AGBL1: variants seen among roughly 807,000 people sequenced by gnomAD.
AGBL1 encodes the protein AGBL carboxypeptidase 1, also known as cytosolic carboxypeptidase 4.
A neutral mutation model predicts 118.9 loss-of-function variants in AGBL1; 130 were observed. That is an observed-to-expected ratio of 1.09 (90% CI 0.95 to 1.26). The LOEUF is 1.26. AGBL1 is among the 50% of genes most tolerant of loss of function. AGBL1 has a pLI of 0.00. For missense variants in AGBL1, 1,584 were observed against 1,298.1 expected (o/e 1.22, Z -3.38); for synonymous variants, 555 against 478.9 (o/e 1.16, Z -2.08).
chr15:86,946,476 C>T (rs928117261), intron 23 of AGBL1: 21 of 152,086 alleles, frequency 1.4e-4, no homozygotes, highest in African/African-American at 5.1e-4. Flanking sequence ...ACACATGAGT[C>T]CATAAACCTT....
chr15:86,436,781 G>A (rs1349306308), intron 18 of AGBL1, among the ~76,000 whole-genome samples: 1 of 152,230 alleles, frequency 6.6e-6, no homozygotes, highest in Non-Finnish European at 1.5e-5. Context: ...TAATGGATTA[G>A]CTGAGGAAAG....
At chr15:86,434,003 C>T (rs1259615278) in intron 18 of AGBL1, among the ~76,000 whole-genome samples, 5 of 152,184 alleles carry the variant, frequency 3.3e-5, no homozygotes, top group Admixed American at 2.6e-4. Flanking sequence ...GTAATTGATC[C>T]AGAAATTCTA....
intron 17 of AGBL1, among the ~76,000 whole-genome samples, chr15:86,346,217 G>T (rs2080534095): frequency 6.6e-6 from 1 of 152,104 alleles, no homozygotes; most frequent in Admixed American, 6.5e-5. Flanking sequence ...TCCTGACCTT[G>T]TGATCTGCCC....
At chr15:86,316,845 C>T (rs2080020208) in intron 17 of AGBL1, 1 of 152,324 alleles carries the variant, frequency 6.6e-6, no homozygotes, top group African/African-American at 2.4e-5. Flanking sequence ...CAGTTGAGCA[C>T]TCGGTCTTGA....
In AGBL1 at chr15:86,746,311, T is replaced by C. The variant is rs190720734; in HGVS notation, c.3158+71875T>C. On this transcript the variant is annotated intron_variant, in intron 22 of 22. Coordinates refer to ENST00000614907, the MANE Select transcript of AGBL1 (RefSeq NM_001386094.1). ...TGAAAAGGTTTTATTTCTTCAAACATGACATATGTCTCTTGCCTCTGAGCC... is the reference window on the plus strand; with the variant it reads ...TGAAAAGGTTTTATTTCTTCAAACACGACATATGTCTCTTGCCTCTGAGCC... Among the ~76,000 whole-genome samples, 9 of 152,282 alleles carry C rather than the reference T, an allele frequency of 5.9e-5. No individual in the cohort carries two copies. The South Asian group carries it at 1.9e-3, about 32-fold the overall frequency.
intron 21 of AGBL1, among the ~76,000 whole-genome samples, chr15:86,584,842 T>C (rs969918791): frequency 9.2e-5 from 14 of 152,216 alleles, no homozygotes; most frequent in Admixed American, 6.5e-4. Context: ...TTTGTTTGTG[T>C]CATCTGTGAT....
intron 17 of AGBL1, among the ~76,000 whole-genome samples, chr15:86,376,348 T>C (rs1428153641): frequency 6.6e-6 from 1 of 152,260 alleles, no homozygotes; most frequent in Non-Finnish European, 1.5e-5. Flanking sequence ...TTAGTTTCCA[T>C]GATTTGCTGG....
At chr15:86,881,934 G>C (rs963092549) in intron 22 of AGBL1, among the ~76,000 whole-genome samples, 1 of 152,152 alleles carries the variant, frequency 6.6e-6, no homozygotes, top group Non-Finnish European at 1.5e-5. Flanking sequence ...ATGAGAAACT[G>C]TCCCCACGAT....
intron 21 of AGBL1, among the ~76,000 whole-genome samples, chr15:86,559,863 G>C (rs1298726140): frequency 6.6e-6 from 1 of 152,124 alleles, no homozygotes; most frequent in Non-Finnish European, 1.5e-5. Context: ...GGTAAAAGGG[G>C]ACCTGGGCTT....
intron 6 of AGBL1, among the ~76,000 whole-genome samples, chr15:86,225,218 C>A (rs891420892): frequency 2.0e-5 from 3 of 151,792 alleles, no homozygotes; most frequent in African/African-American, 7.3e-5. Context: ...AGACAATGGA[C>A]CCTAAAGGGG....
intron 22 of AGBL1, among the ~76,000 whole-genome samples, chr15:86,729,638 C>T (rs1596413871): frequency 6.6e-6 from 1 of 152,316 alleles, no homozygotes; most frequent in South Asian, 2.1e-4. Context: ...ATAGTATTCC[C>T]TGGTGCATAT....
chr15:86,462,905 A>C (rs1274763336), intron 18 of AGBL1, among the ~76,000 whole-genome samples: 1 of 152,186 alleles, frequency 6.6e-6, no homozygotes, highest in Non-Finnish European at 1.5e-5. Flanking sequence ...ATAAACATAC[A>C]TGTGCATGTG....
intron 22 of AGBL1, among the ~76,000 whole-genome samples, chr15:86,849,075 G>A (rs2079360184): frequency 6.6e-6 from 1 of 152,164 alleles, no homozygotes; most frequent in African/African-American, 2.4e-5. Context: ...GAATATGCAG[G>A]GCTACTCACT....
intron 24 of AGBL1, among the ~76,000 whole-genome samples, chr15:87,014,790 T>C (rs1213971372): frequency 6.6e-6 from 1 of 151,784 alleles, no homozygotes; most frequent in Non-Finnish European, 1.5e-5. Flanking sequence ...GAATACTATG[T>C]CTATCTCCCT....
At chr15:86,268,297 A>G (rs1483184465) in intron 13 of AGBL1, among the ~76,000 whole-genome samples, 4 of 152,168 alleles carry the variant, frequency 2.6e-5, no homozygotes, top group Non-Finnish European at 5.9e-5. Context: ...GAAGACGGGA[A>G]AGACAGTCAT....
intron 23 of AGBL1, among the ~76,000 whole-genome samples, chr15:86,969,574 T>G (rs1206294952): frequency 1.3e-5 from 2 of 152,052 alleles, no homozygotes; most frequent in Admixed American, 6.6e-5. Context: ...TGCACAAGCA[T>G]ATGCATTTGT....
chr15:86,741,084 C>T (rs1259477756), intron 22 of AGBL1, among the ~76,000 whole-genome samples: 1 of 151,924 alleles, frequency 6.6e-6, no homozygotes, highest in Non-Finnish European at 1.5e-5. Context: ...TCTATGTGGG[C>T]AGAACACTAC....
intron 1 of AGBL1, among the ~76,000 whole-genome samples, chr15:86,134,611 T>C (rs527995650): frequency 0.068 from 6,024 of 89,116 alleles, 295 homozygotes; most frequent in East Asian, 0.23. Context: ...TGCCTTTTTT[T>C]TTTTTTTTTT....
chr15:86,887,015 T>G (rs1461834107), intron 22 of AGBL1, among the ~76,000 whole-genome samples: 1 of 152,324 alleles, frequency 6.6e-6, no homozygotes, highest in East Asian at 1.9e-4. Context: ...GTTAGTGGAA[T>G]GCTCACAGAG....
Sources: gnomAD v4.1 joint callset for allele counts (sites outside exome capture counted in the v4.1 genomes callset) on GRCh38, gnomAD v4.1.1 for gene constraint, MANE v1.5 for transcripts, NCBI Gene and HGNC (gene_info 2026-07-23, HGNC 2026-07-21) for gene names.